SEMA3E: variants seen among roughly 807,000 people sequenced by gnomAD.
The protein encoded by SEMA3E is semaphorin 3E.
SEMA3E carries 49 observed loss-of-function variants against 93.6 expected under a neutral mutation model. The ratio of observed to expected loss-of-function variants is 0.52; its 90% CI spans 0.42 to 0.66. The LOEUF (loss-of-function observed/expected upper bound fraction) is 0.66. Among genes scored for constraint, SEMA3E ranks in the 30% least tolerant of loss-of-function variants. The pLI, the probability that SEMA3E is intolerant of heterozygous loss-of-function variation, is 0.00. For synonymous variants in SEMA3E, 363 were observed against 330.7 expected (o/e 1.10, Z -1.06); for missense variants, 906 against 964.8 (o/e 0.94, Z 0.81).
chr7:83,537,642 C>A (rs572217066), intron 1 of SEMA3E, among the ~76,000 whole-genome samples: 3 of 152,288 alleles, frequency 2.0e-5, no homozygotes, highest in African/African-American at 7.2e-5. Context: ...AATCTCTAAA[C>A]AATATGGTTT....
chr7:83,466,492 T>C lies in SEMA3E; in HGVS notation c.446A>G (p.Tyr149Cys), dbSNP rs775302619. The C allele has an allele frequency of 1.5e-5, 24 of 1,613,992 alleles. No individual in the cohort carries two copies. Among genetic ancestry groups the C allele is most frequent in the Middle Eastern group, 1.6e-4 (1 of 6,062 alleles). Reference sequence around the variant, plus strand: ...AATGAAACATCTTACCTCCAAATGATATCCAACTCTGATGAAGGCACAAAC... The same window carrying C: ...AATGAAACATCTTACCTCCAAATGACATCCAACTCTGATGAAGGCACAAAC... ...DPVCAFIRVGYHLEDPLFHLE... is the reference protein window; with the variant it reads ...DPVCAFIRVGCHLEDPLFHLE... The change falls in exon 4 of 17, where the codon TAT (tyrosine) becomes TGT (cysteine). Residue 149 changes from tyrosine to cysteine, a missense_variant. By Grantham distance (194) the Tyr-to-Cys change is radical. Transcript: ENST00000643230.
intron 1 of SEMA3E, among the ~76,000 whole-genome samples, chr7:83,504,808 GA>G (rs1790661620): frequency 6.6e-6 from 1 of 152,088 alleles, no homozygotes; most frequent in Admixed American, 6.5e-5. Context: ...CACATTCACA[GA>G]AAGGCTCTTA....
At chr7:83,457,699 T>G (rs1027720725) in intron 4 of SEMA3E, among the ~76,000 whole-genome samples, 3 of 152,174 alleles carry the variant, frequency 2.0e-5, no homozygotes, top group Non-Finnish European at 2.9e-5. Flanking sequence ...TGAATCAATC[T>G]TAAATATTAT....
intron 16 of SEMA3E, among the ~76,000 whole-genome samples, chr7:83,378,987 G>C (rs1350326761): frequency 6.6e-6 from 1 of 151,716 alleles, no homozygotes; most frequent in Non-Finnish European, 1.5e-5. Flanking sequence ...TAAAGATATG[G>C]AATCAACCTG....
intron 4 of SEMA3E, among the ~76,000 whole-genome samples, chr7:83,454,213 G>C (rs1789427196): frequency 1.5e-5 from 2 of 135,868 alleles, no homozygotes; most frequent in Non-Finnish European, 1.5e-5. Flanking sequence ...AGCCGAGATG[G>C]CGCCACTGCA....
At chr7:83,473,219 A>G (rs1205501799) in intron 2 of SEMA3E, among the ~76,000 whole-genome samples, 2 of 152,180 alleles carry the variant, frequency 1.3e-5, no homozygotes, top group Non-Finnish European at 2.9e-5. Context: ...TATCATTAAC[A>G]TTTTTACAAA....
chr7:83,449,248 C>T (rs1185973887), intron 4 of SEMA3E, among the ~76,000 whole-genome samples: 2 of 151,550 alleles, frequency 1.3e-5, no homozygotes, highest in African/African-American at 4.8e-5. Flanking sequence ...TACAGGCATG[C>T]GCCACCACGC....
Position 83,403,885 on chromosome 7 carries a change from C to A in SEMA3E, c.999-1109G>T, listed in dbSNP as rs149837997. On this transcript the variant is annotated intron_variant, in intron 9 of 16. Transcript: ENST00000643230. ...TATCAATCCTTATGTCAGGTAACAG[C>A]TGGGAAGCTTTTGTTCTCAGATTTA... Among the ~76,000 whole-genome samples the A allele has an allele frequency of 1.3e-3, 197 of 152,000 alleles. 2 individuals carry two copies. Among genetic ancestry groups the A allele is most frequent in the Admixed American group, 0.011 (173 of 15,216 alleles).
chr7:83,485,410 ATAT>A (rs1292486762), intron 2 of SEMA3E, among the ~76,000 whole-genome samples: 2 of 152,200 alleles, frequency 1.3e-5, no homozygotes, highest in African/African-American at 4.8e-5. Context: ...AACTTGCCCA[ATAT>A]TATACATGCA....
At chr7:83,417,644 CT>C (rs1318704981) in intron 5 of SEMA3E, among the ~76,000 whole-genome samples, 1 of 152,070 alleles carries the variant, frequency 6.6e-6, no homozygotes, top group Non-Finnish European at 1.5e-5. Context: ...GGGGATTGCT[CT>C]TTTTAATTGA....
intron 4 of SEMA3E, among the ~76,000 whole-genome samples, chr7:83,463,803 C>T (rs1246076391): frequency 5.9e-5 from 9 of 151,692 alleles, no homozygotes; most frequent in Admixed American, 1.3e-4. Flanking sequence ...TCTGCTATTC[C>T]ACTACTCCTC....
intron 1 of SEMA3E, among the ~76,000 whole-genome samples, chr7:83,490,795 G>A (rs1790367336): frequency 6.6e-6 from 1 of 152,050 alleles, no homozygotes; most frequent in Non-Finnish European, 1.5e-5. Flanking sequence ...TAAAACTGGT[G>A]GGAATATATT....
At chr7:83,480,942 TTATC>T (rs1195974724) in intron 2 of SEMA3E, among the ~76,000 whole-genome samples, 3 of 152,196 alleles carry the variant, frequency 2.0e-5, no homozygotes, top group African/African-American at 4.8e-5. Context: ...TATTTTCAAA[TTATC>T]TATTAATAGA....
chr7:83,621,654 G>T (rs186675779), intron 1 of SEMA3E, among the ~76,000 whole-genome samples: 1 of 152,128 alleles, frequency 6.6e-6, no homozygotes, highest in Admixed American at 6.5e-5. Context: ...CACATTGACC[G>T]ATGGAACAGA....
chr7:83,558,674 T>C (rs1791968326), intron 1 of SEMA3E, among the ~76,000 whole-genome samples: 1 of 152,066 alleles, frequency 6.6e-6, no homozygotes, highest in Non-Finnish European at 1.5e-5. Context: ...AATAAAAATA[T>C]GGCTAAGAAG....
In SEMA3E at chr7:83,434,709, CTTTTTTTTT is replaced by C. The variant is rs76539180; in HGVS notation, c.457-16235_457-16227del. The stretch of plus-strand genomic sequence containing the variant: ...GATTTATTTATCCTCAACTGTATTT[CTTTTTTTTT>C]TTTTTTTTTTTTTGAGACGGAGTCT... On this transcript the variant is annotated intron_variant, in intron 4 of 16. Coordinates refer to ENST00000643230, the MANE Select transcript of SEMA3E (RefSeq NM_012431.3). Among the ~76,000 whole-genome samples the C allele has an allele frequency of 1.5e-4, 18 of 120,222 alleles. 1 individual carries two copies. In the South Asian group the frequency reaches 4.9e-3, roughly 33 times the overall value. 78.9% of individuals were successfully genotyped at this position (120,222 alleles called of 152,430 possible). A position where few individuals can be genotyped will look rare whatever the true frequency, so the allele number is the denominator to read the frequency against.
At chr7:83,399,802 G>A (rs1280223372) in intron 11 of SEMA3E, among the ~76,000 whole-genome samples, 3 of 151,966 alleles carry the variant, frequency 2.0e-5, no homozygotes, top group Non-Finnish European at 4.4e-5. Context: ...GTCAAACCAT[G>A]ACACTTCTGA....
At position 83,365,353 on chromosome 7, in the gene SEMA3E, A is replaced by T. The variant is rs1187726803; in HGVS notation, c.*2233T>A. 6.6e-6 allele frequency: 1 copy of T among 152,112 alleles called. No homozygotes were observed. The highest frequency in any genetic ancestry group is 6.6e-5 in the Admixed American group (1 of 15,266). 9.4% of individuals were successfully genotyped at this position (152,112 alleles called of 1,614,324 possible). A position where few individuals can be genotyped will look rare whatever the true frequency, so the allele number is the denominator to read the frequency against. ...TATGTGTGTGTATAATTATATGTAAAATTTAGTGGTCTCACCAAATTGTGG... is the reference window on the plus strand; with the variant it reads ...TATGTGTGTGTATAATTATATGTAATATTTAGTGGTCTCACCAAATTGTGG... On this transcript the variant is annotated 3_prime_UTR_variant, in exon 17 of 17. Transcript: ENST00000643230.
At chr7:83,610,748 T>G (rs1026764969) in intron 1 of SEMA3E, among the ~76,000 whole-genome samples, 2 of 151,958 alleles carry the variant, frequency 1.3e-5, no homozygotes, top group African/African-American at 2.4e-5. Context: ...GAAGACCACA[T>G]GAAGAATGAA....
Sources: gnomAD v4.1 joint callset for allele counts (sites outside exome capture counted in the v4.1 genomes callset) on GRCh38, gnomAD v4.1.1 for gene constraint, MANE v1.5 for transcripts, NCBI Gene and HGNC (gene_info 2026-07-23, HGNC 2026-07-21) for gene names.